The following KALRN variants were observed in gnomAD, a reference collection of about 807,000 sequenced individuals.
KALRN encodes the protein kalirin.
A neutral mutation model predicts 353.7 loss-of-function variants in KALRN; 70 were observed. The ratio of observed to expected loss-of-function variants is 0.20; its 90% CI spans 0.16 to 0.24. The LOEUF is 0.24. Among genes scored for constraint, KALRN ranks in the 10% least tolerant of loss-of-function variants. KALRN has a pLI of 1.00. For missense variants in KALRN, 2,791 were observed against 3,756.7 expected, an observed-to-expected ratio of 0.74 and a Z score of 6.72; for synonymous variants, 1,391 against 1,434.8, an observed-to-expected ratio of 0.97 and a Z score of 0.69.
intron 1 of KALRN, among the ~76,000 whole-genome samples, chr3:124,144,533 GTCC>G (rs940161698): frequency 1.3e-5 from 2 of 148,384 alleles, no homozygotes; most frequent in African/African-American, 5.0e-5. Context: ...CCTCTTCCTC[GTCC>G]TCCTCCTCTT....
intron 6 of KALRN, among the ~76,000 whole-genome samples, chr3:124,303,328 C>G (rs2077414614): frequency 6.6e-6 from 1 of 152,166 alleles, no homozygotes; most frequent in Non-Finnish European, 1.5e-5. Context: ...ACCTACTAAA[C>G]CCAGTAGGAA....
intron 6 of KALRN, among the ~76,000 whole-genome samples, chr3:124,301,421 C>T (rs1385444674): frequency 6.6e-6 from 1 of 152,182 alleles, no homozygotes; most frequent in Admixed American, 6.5e-5. Flanking sequence ...ATCTTGTAGC[C>T]TCCCTCACTG....
chr3:124,561,635 A>G (rs1417852775), intron 33 of KALRN, among the ~76,000 whole-genome samples: 1 of 152,182 alleles, frequency 6.6e-6, no homozygotes, highest in Admixed American at 6.5e-5. Flanking sequence ...GTGCACTAAT[A>G]TGGCCACTGG....
intron 34 of KALRN, chr3:124,585,005 T>C: frequency 8.5e-7 from 1 of 1,172,286 alleles, no homozygotes; most frequent in Non-Finnish European, 1.2e-6. Context: ...GGGAGGCCTC[T>C]GGGGTAGGCG....
intron 1 of KALRN, among the ~76,000 whole-genome samples, chr3:124,141,141 C>T (rs1047859203): frequency 1.3e-5 from 2 of 152,174 alleles, no homozygotes; most frequent in African/African-American, 4.8e-5. Flanking sequence ...TCCTGGCCAC[C>T]TCCAATGCCA....
At chr3:124,168,570 A>G (rs1389494468) in intron 1 of KALRN, among the ~76,000 whole-genome samples, 1 of 152,142 alleles carries the variant, frequency 6.6e-6, no homozygotes, top group African/African-American at 2.4e-5. Context: ...AACTAGGGGA[A>G]TCTCCCTGGG....
chr3:124,509,103 C>T (rs751961438), intron 33 of KALRN, among the ~76,000 whole-genome samples: 8 of 152,140 alleles, frequency 5.3e-5, no homozygotes, highest in African/African-American at 1.7e-4. Flanking sequence ...CAAATCTTTT[C>T]GTTCTCCTTA....
intron 25 of KALRN, among the ~76,000 whole-genome samples, chr3:124,474,170 T>G (rs1186477780): frequency 6.6e-6 from 1 of 152,228 alleles, no homozygotes; most frequent in Admixed American, 6.5e-5. Context: ...TAAAACATTG[T>G]TTAATACATA....
rs1465620510 is a variant in KALRN at position 124,215,554 on chromosome 3, G to T, written c.74-12436G>T. Among the ~76,000 whole-genome samples, 2 of 152,156 alleles carry T rather than the reference G, an allele frequency of 1.3e-5. 1 individual carries two copies. ...ATTATGTTTACTTAGTATCAGCTAGGTGTCTGGTTTTTCAATTTTCCTCCC... is the reference window on the plus strand; with the variant it reads ...ATTATGTTTACTTAGTATCAGCTAGTTGTCTGGTTTTTCAATTTTCCTCCC... On this transcript the variant is annotated intron_variant, in intron 1 of 59. Coordinates refer to ENST00000682506, the MANE Select transcript of KALRN (RefSeq NM_001388419.1).
chr3:124,678,221 A>C lies in KALRN; in HGVS notation c.7225A>C (p.Arg2409=), dbSNP rs891605663. The change falls in exon 50 of 60, where the codon AGA becomes CGA. Residue 2409 remains arginine, a synonymous_variant. Transcript: ENST00000682506. ...KSCSWHTLRM[R]KRAEVENTGK... is the part of the protein sequence containing the mutation. ...ATGTTCATGGCATACTCTACGCATG[A>C]GAAAGCGGGCGGAAGTGGAGAACAC... 1.9e-6 allele frequency: 3 copies of C among 1,613,920 alleles called. No homozygotes were observed. The African/African-American group carries it at 4.0e-5, about 22-fold the overall frequency.
intron 57 of KALRN, among the ~76,000 whole-genome samples, chr3:124,708,572 G>A (rs1057421553): frequency 3.3e-5 from 5 of 152,058 alleles, no homozygotes; most frequent in Non-Finnish European, 7.4e-5. Context: ...TAAATTATCT[G>A]ACATGAAGAA....
At chr3:124,223,399 A>G (rs992247895) in intron 1 of KALRN, among the ~76,000 whole-genome samples, 1 of 152,144 alleles carries the variant, frequency 6.6e-6, no homozygotes, top group Non-Finnish European at 1.5e-5. Flanking sequence ...AGGCTTCTAT[A>G]CTGGACACCA....
chr3:124,385,130 G>A, intron 11 of KALRN, 94 bp downstream of exon 11: 1 of 1,038,200 alleles, frequency 9.6e-7, no homozygotes, highest in Non-Finnish European at 1.4e-6. Flanking sequence ...CAGGGTCCTG[G>A]GTAGTCTGGG....
intron 1 of KALRN, among the ~76,000 whole-genome samples, chr3:124,117,775 A>G (rs1180395641): frequency 6.6e-6 from 1 of 152,156 alleles, no homozygotes; most frequent in East Asian, 1.9e-4. Flanking sequence ...TTCTTTCAGA[A>G]GCTTCAGATT....
intron 34 of KALRN, among the ~76,000 whole-genome samples, chr3:124,626,972 G>A (rs1013001176): frequency 6.6e-6 from 1 of 152,146 alleles, no homozygotes; most frequent in African/African-American, 2.4e-5. Context: ...GCCTGGACTT[G>A]GGATGATTTG....
At chr3:124,155,228 G>C (rs1417737658) in intron 1 of KALRN, among the ~76,000 whole-genome samples, 1 of 152,092 alleles carries the variant, frequency 6.6e-6, no homozygotes, top group Non-Finnish European at 1.5e-5. Flanking sequence ...AACACCAAAG[G>C]AACCTTCTTC....
chr3:124,139,762 A>T (rs2066398438), intron 1 of KALRN, among the ~76,000 whole-genome samples: 1 of 152,304 alleles, frequency 6.6e-6, no homozygotes, highest in South Asian at 2.1e-4. Context: ...GATCATGGTC[A>T]TCTTTGAAAT....
At chr3:124,281,953 T>A (rs927374092) in intron 5 of KALRN, among the ~76,000 whole-genome samples, 1 of 152,194 alleles carries the variant, frequency 6.6e-6, no homozygotes, top group African/African-American at 2.4e-5. Flanking sequence ...GAACGCTACC[T>A]TAATGCACTC....
chr3:124,298,931 T>A lies in KALRN; in HGVS notation c.1092+18T>A. 6.2e-7 allele frequency: 1 copy of A among 1,614,026 alleles called. No homozygotes were observed. Among genetic ancestry groups the A allele is most frequent in the Non-Finnish European group, 8.5e-7 (1 of 1,179,936 alleles). On this transcript the variant is annotated intron_variant, in intron 6 of 59. Coordinates refer to ENST00000682506, the MANE Select transcript of KALRN (RefSeq NM_001388419.1). ...ACTCCATGGTGAGCTGAGGGGCTGTTCTCAGCACTGCCTCTGGGAGTGGGA... is the reference window on the plus strand; with the variant it reads ...ACTCCATGGTGAGCTGAGGGGCTGTACTCAGCACTGCCTCTGGGAGTGGGA...
Sources: allele counts gnomAD v4.1 joint callset (sites outside exome capture counted in the v4.1 genomes callset), GRCh38; gene constraint gnomAD v4.1.1; transcripts MANE v1.5; gene names NCBI Gene and HGNC (gene_info 2026-07-23, HGNC 2026-07-21).